Variants in C8orf34 observed in about 807,000 individuals in gnomAD.
C8orf34 encodes uncharacterized protein C8orf34.
Under a neutral mutation model 68.3 loss-of-function variants are expected in C8orf34, and 65 were observed. The observed-to-expected ratio is 0.95, with a 90% CI of 0.78 to 1.17. The LOEUF (loss-of-function observed/expected upper bound fraction) is 1.17, where lower values mean the gene tolerates loss of function less well. Among genes scored for constraint, C8orf34 ranks in the 50% most tolerant of loss-of-function variants. The pLI is 0.00. For missense variants in C8orf34, 664 were observed against 655.4 expected (o/e 1.01, Z -0.14); for synonymous variants, 244 against 241.2 (o/e 1.01, Z -0.11).
intron 1 of C8orf34, among the ~76,000 whole-genome samples, chr8:68,376,758 G>A (rs932859191): frequency 2.0e-5 from 3 of 151,854 alleles, no homozygotes; most frequent in South Asian, 2.1e-4. Flanking sequence ...TGAGTTCTTC[G>A]TTACTTCTTG....
At chr8:68,716,587 A>G (rs1201786052) in intron 9 of C8orf34, among the ~76,000 whole-genome samples, 1 of 152,122 alleles carries the variant, frequency 6.6e-6, no homozygotes, top group Non-Finnish European at 1.5e-5. Context: ...ATGGAGAGAT[A>G]CAATCTTTTT....
chr8:68,524,261 G>A (rs148573871), intron 6 of C8orf34, among the ~76,000 whole-genome samples: 6 of 152,288 alleles, frequency 3.9e-5, no homozygotes, highest in Non-Finnish European at 7.4e-5. Context: ...AACCTTGAGA[G>A]TCTTATGCGT....
intron 3 of C8orf34, among the ~76,000 whole-genome samples, chr8:68,459,181 G>A (rs1290298652): frequency 2.0e-5 from 3 of 152,058 alleles, no homozygotes; most frequent in Non-Finnish European, 2.9e-5. Flanking sequence ...AATAATAGAT[G>A]TTAGCAAGGA....
intron 7 of C8orf34, among the ~76,000 whole-genome samples, chr8:68,591,174 T>C (rs1351741845): frequency 6.6e-6 from 1 of 152,160 alleles, no homozygotes; most frequent in Non-Finnish European, 1.5e-5. Flanking sequence ...TCTAAGTCAT[T>C]CAGAAGAAAA....
intron 1 of C8orf34, among the ~76,000 whole-genome samples, chr8:68,433,312 A>C (rs1270673232): frequency 6.6e-6 from 1 of 152,210 alleles, no homozygotes; most frequent in Non-Finnish European, 1.5e-5. Context: ...GCCATATGCT[A>C]TTAATATTTG....
intron 10 of C8orf34, among the ~76,000 whole-genome samples, chr8:68,759,476 G>A (rs1335865955): frequency 2.0e-5 from 3 of 152,202 alleles, no homozygotes; most frequent in African/African-American, 4.8e-5. Context: ...TTCTCCTGGT[G>A]TGGGACTTAT....
intron 4 of C8orf34, among the ~76,000 whole-genome samples, chr8:68,477,751 A>G (rs1182837219): frequency 6.6e-6 from 1 of 152,206 alleles, no homozygotes; most frequent in African/African-American, 2.4e-5. Context: ...TCTGAAATCT[A>G]GGTGGAGTTT....
chr8:68,592,796 A>G (rs1431512524), intron 7 of C8orf34, among the ~76,000 whole-genome samples: 1 of 151,798 alleles, frequency 6.6e-6, no homozygotes, highest in South Asian at 2.1e-4. Context: ...TTCAGTAGAG[A>G]TGGGGTTTCA....
At chr8:68,815,781 T>C (rs1824793017) in intron 12 of C8orf34, 105 bp from the exon 13 acceptor site, 3 of 1,588,612 alleles carry the variant, frequency 1.9e-6, no homozygotes, top group Non-Finnish European at 2.6e-6. Context: ...TTAATATTAA[T>C]TTCAATTAAT....
intron 7 of C8orf34, among the ~76,000 whole-genome samples, chr8:68,561,324 G>A (rs1035640308): frequency 1.3e-5 from 2 of 151,714 alleles, no homozygotes; most frequent in Non-Finnish European, 2.9e-5. Context: ...TTTTTTAATA[G>A]CACTGAACTT....
intron 1 of C8orf34, among the ~76,000 whole-genome samples, chr8:68,417,627 T>C (rs1809733625): frequency 6.6e-6 from 1 of 152,134 alleles, no homozygotes; most frequent in South Asian, 2.1e-4. Context: ...GAGTTTAGTA[T>C]TGGTGGACTG....
chr8:68,767,888 A>T (rs1823226855), intron 10 of C8orf34, among the ~76,000 whole-genome samples: 1 of 152,152 alleles, frequency 6.6e-6, no homozygotes, highest in Non-Finnish European at 1.5e-5. Flanking sequence ...TATTTATTTG[A>T]TGATATTCTA....
At chr8:68,811,423 G>A (rs1824647641) in intron 12 of C8orf34, among the ~76,000 whole-genome samples, 1 of 152,202 alleles carries the variant, frequency 6.6e-6, no homozygotes, top group South Asian at 2.1e-4. Context: ...CTGCACCTGT[G>A]CCCTTTGGGC....
At chr8:68,799,433 T>C (rs775125750) in intron 12 of C8orf34, among the ~76,000 whole-genome samples, 1 of 152,182 alleles carries the variant, frequency 6.6e-6, no homozygotes, top group Non-Finnish European at 1.5e-5. Flanking sequence ...TGTATATTTT[T>C]TGTCACTGCA....
rs150193251 is a variant in C8orf34, at chr8:68,591,056, C to A, written c.1106-49320C>A. ...AAACCTATGTCGATTTGAGGCCCTT[C>A]CTCTATTGCTGCCACAAGGTCGTCA... On this transcript the variant is annotated intron_variant, in intron 7 of 13. Coordinates refer to ENST00000518698, the MANE Select transcript of C8orf34 (RefSeq NM_052958.4). 1.8e-4 allele frequency among the ~76,000 whole-genome samples: 27 copies of A among 152,282 alleles called. No individual in the cohort carries two copies. In the East Asian group the frequency reaches 5.2e-3, roughly 29 times the overall value.
intron 8 of C8orf34, among the ~76,000 whole-genome samples, chr8:68,655,101 T>C (rs1173327534): frequency 6.6e-6 from 1 of 152,130 alleles, no homozygotes; most frequent in South Asian, 2.1e-4. Flanking sequence ...GCAATACATG[T>C]CATTCAAAAC....
chr8:68,389,721 G>T (rs1224433656), intron 1 of C8orf34, among the ~76,000 whole-genome samples: 1 of 152,142 alleles, frequency 6.6e-6, no homozygotes, highest in African/African-American at 2.4e-5. Flanking sequence ...AAACCTGAAG[G>T]TGCGAGCAAA....
At chr8:68,583,105 G>A (rs147458926) in intron 7 of C8orf34, among the ~76,000 whole-genome samples, 2 of 151,974 alleles carry the variant, frequency 1.3e-5, no homozygotes, top group Non-Finnish European at 2.9e-5. Flanking sequence ...TGTGTCTGCT[G>A]TTTCTCAAAA....
intron 10 of C8orf34, 31 bp from the exon 11 acceptor site, chr8:68,776,368 C>A (rs751997093): frequency 2.8e-5 from 44 of 1,580,804 alleles, no homozygotes; most frequent in Non-Finnish European, 2.2e-5. Context: ...TTCTCCTGAC[C>A]TTTTCAACCT....
Sources: allele counts gnomAD v4.1 joint callset (sites outside exome capture counted in the v4.1 genomes callset), GRCh38; gene constraint gnomAD v4.1.1; transcripts MANE v1.5; gene names NCBI Gene and HGNC (gene_info 2026-07-23, HGNC 2026-07-21).